The following CELF2 variants were observed in gnomAD, a reference collection of about 807,000 sequenced individuals.
The protein encoded by CELF2 is CUG triplet repeat RNA-binding protein 2.
In CELF2, 8 loss-of-function variants were observed where a neutral mutation model predicts 62.6. That is an observed-to-expected ratio of 0.13 (90% CI 0.07 to 0.23). The LOEUF (loss-of-function observed/expected upper bound fraction) is 0.23. Ranked by LOEUF, CELF2 falls within the 10% of genes least tolerant of loss-of-function variation. The probability of loss-of-function intolerance (pLI) is 1.00; values close to 1 mark genes in which losing one functional copy is unlikely to be tolerated. For synonymous variants in CELF2, 258 were observed against 250.0 expected, an observed-to-expected ratio of 1.03 and a Z score of -0.30; for missense variants, 333 against 671.0, an observed-to-expected ratio of 0.50 and a Z score of 5.56.
At chr10:10,636,327 C>T in the CELF2 span, among the ~76,000 whole-genome samples, 21 of 152,278 alleles carry the variant, frequency 1.4e-4, no homozygotes, top group East Asian at 9.6e-4. Context: ...ATAATTAACA[C>T]GAGTTTAACT....
intron 1 of CELF2, among the ~76,000 whole-genome samples, chr10:11,042,189 T>G (rs973997844): frequency 6.6e-6 from 1 of 152,238 alleles, no homozygotes; most frequent in African/African-American, 2.4e-5. Context: ...TTTATCTCCT[T>G]CCCTTTCAAA....
At chr10:10,508,660 ATGTGTGTGTGTG>A in the CELF2 span, among the ~76,000 whole-genome samples, 182 of 140,790 alleles carry the variant, frequency 1.3e-3, 1 homozygote, top group East Asian at 0.02. Context: ...TCTTAAACAG[ATGTGTGTGTGTG>A]TGTGTGTGTG....
In CELF2 at chr10:11,211,791, T is replaced by TGA. The variant is rs144030698; in HGVS notation, c.272-5612_272-5611dup. Among the ~76,000 whole-genome samples the TGA allele has an allele frequency of 7.8e-3, 1,058 of 135,612 alleles. 15 individuals carry two copies. Among genetic ancestry groups the TGA allele is most frequent in the African/African-American group, 0.029 (993 of 34,820 alleles). 89.0% of individuals were successfully genotyped at this position (135,612 alleles called of 152,430 possible). A position where few individuals can be genotyped will look rare whatever the true frequency, so the allele number is the denominator to read the frequency against. ...GAGTGAGAGTGTGTGTGTATGTGTG[T>TGA]GAGAGAGAGAGAGAGAGAGAGAGTG... is the stretch of plus-strand genomic sequence containing the variant. On this transcript the variant is annotated intron_variant, in intron 2 of 12. Coordinates refer to ENST00000633077, the MANE Select transcript of CELF2 (RefSeq NM_001326342.2). The surrounding 1 kb of genome is among the most constrained non-coding windows in gnomAD (Gnocchi z 4.8).
Position 11,165,826 on chromosome 10 carries a change from G to T in CELF2, c.271+144G>T. ...CGGTGCTGGCGGCCCCTGTGCTCCA[G>T]GGGCTGCTCCCGACTCCTCCCCGCA... On this transcript the variant is annotated intron_variant, in intron 2 of 12. Coordinates refer to ENST00000633077, the MANE Select transcript of CELF2 (RefSeq NM_001326342.2). This position sits in a 1 kb window ranked among gnomAD's most constrained non-coding sequence, Gnocchi z 7.4. 1.3e-6 allele frequency: 1 copy of T among 771,486 alleles called. No homozygotes were observed. The highest frequency in any genetic ancestry group is 2.0e-6 in the Non-Finnish European group (1 of 499,244). 47.8% of individuals were successfully genotyped at this position (771,486 alleles called of 1,614,324 possible).
intron 2 of CELF2, among the ~76,000 whole-genome samples, chr10:11,203,422 C>A (rs1483420137): frequency 6.6e-6 from 1 of 152,132 alleles, no homozygotes; most frequent in Non-Finnish European, 1.5e-5. Flanking sequence ...TTTTAGTATC[C>A]ATAATCAGGT....
At chr10:11,273,717 T>TTTC (rs2084792345) in intron 7 of CELF2, among the ~76,000 whole-genome samples, 1 of 144,630 alleles carries the variant, frequency 6.9e-6, no homozygotes, top group African/African-American at 2.7e-5. Context: ...AAAGTTTTGT[T>TTTC]TTTTTGTTTT....
intron 1 of CELF2, among the ~76,000 whole-genome samples, chr10:11,141,586 G>A (rs1028139713): frequency 6.6e-6 from 1 of 152,212 alleles, no homozygotes; most frequent in African/African-American, 2.4e-5. Flanking sequence ...GTGTGGTCTA[G>A]ACTAGACAAC....
chr10:11,120,984 A>G (rs1282325618), intron 1 of CELF2, among the ~76,000 whole-genome samples: 1 of 152,148 alleles, frequency 6.6e-6, no homozygotes, highest in Non-Finnish European at 1.5e-5. Flanking sequence ...AGAGCTTGCA[A>G]GGAGGTGTGT....
chr10:10,900,094 T>G (rs183268365), intron 1 of CELF2, among the ~76,000 whole-genome samples: 1 of 152,300 alleles, frequency 6.6e-6, no homozygotes. Flanking sequence ...ATTTTAAATT[T>G]TCTCACAAAG....
In CELF2 at chr10:11,217,849, A is replaced by G. The variant is rs2063740672; in HGVS notation, c.354+342A>G. On this transcript the variant is annotated intron_variant, in intron 3 of 12. Coordinates refer to ENST00000633077, the MANE Select transcript of CELF2 (RefSeq NM_001326342.2). The surrounding 1 kb of genome is among the most constrained non-coding windows in gnomAD (Gnocchi z 5.6). ...ACACAAGAGAAGCAAATGGAAAAGAAAAAGCTTTTATTCACCAGGAGCTCC... is the reference window on the plus strand; with the variant it reads ...ACACAAGAGAAGCAAATGGAAAAGAGAAAGCTTTTATTCACCAGGAGCTCC... Among the ~76,000 whole-genome samples the G allele has an allele frequency of 2.0e-5, 3 of 152,238 alleles. No individual in the cohort carries two copies. Among genetic ancestry groups the G allele is most frequent in the African/African-American group, 7.2e-5 (3 of 41,456 alleles).
intron 9 of CELF2, among the ~76,000 whole-genome samples, chr10:11,299,707 C>G (rs953947818): frequency 6.6e-6 from 1 of 152,280 alleles, no homozygotes; most frequent in South Asian, 2.1e-4. Flanking sequence ...ACAGCGCCAC[C>G]GCACCACGAG....
chr10:11,030,194 T>G (rs1474566958), intron 1 of CELF2: 1 of 152,244 alleles, frequency 6.6e-6, no homozygotes, highest in Non-Finnish European at 1.5e-5. Context: ...TCTGAACTAT[T>G]TTATGAGATT....
the CELF2 span, among the ~76,000 whole-genome samples, chr10:10,637,444 AT>A: frequency 6.6e-6 from 1 of 152,158 alleles, no homozygotes; most frequent in Non-Finnish European, 1.5e-5. Flanking sequence ...TCTTGCAGCC[AT>A]TGTATTTGAG....
chr10:10,771,752 A>G, the CELF2 span, among the ~76,000 whole-genome samples: 1 of 152,206 alleles, frequency 6.6e-6, no homozygotes, highest in Middle Eastern at 3.2e-3. Flanking sequence ...TCCCCAGCCA[A>G]GTGGAAACTA....
chr10:11,275,603 A>T (rs1171199134), intron 8 of CELF2, among the ~76,000 whole-genome samples: 1 of 152,228 alleles, frequency 6.6e-6, no homozygotes, highest in East Asian at 1.9e-4. Context: ...ATAACGACAG[A>T]CAATTAACAG....
chr10:10,669,598 A>T, the CELF2 span, among the ~76,000 whole-genome samples: 12 of 152,354 alleles, frequency 7.9e-5, no homozygotes, highest in African/African-American at 2.6e-4. Context: ...GGGAGCCAGG[A>T]CCCAAATGCA....
In CELF2 at chr10:11,321,101, CTG is replaced by C. The variant is rs1591510479; in HGVS notation, c.1097-84_1097-83del. The C allele has an allele frequency of 2.1e-6, 3 of 1,415,334 alleles. No individual in the cohort carries two copies. The highest frequency in any genetic ancestry group is 3.0e-6 in the Non-Finnish European group (3 of 1,004,430). The allele number at this position is 1,415,334 out of a possible 1,614,324, so 87.7% of individuals were successfully genotyped here. A position where few individuals can be genotyped will look rare whatever the true frequency, so the allele number is the denominator to read the frequency against. Reference sequence around the variant, plus strand: ...CTAGCTGCATGTACTTGCTGTTGTACTGTGTTTAAATGATTCTCTAACTTCCT... The same window carrying C: ...CTAGCTGCATGTACTTGCTGTTGTACTGTTTAAATGATTCTCTAACTTCCT... On this transcript the variant is annotated intron_variant, in intron 10 of 12. Coordinates refer to ENST00000633077, the MANE Select transcript of CELF2 (RefSeq NM_001326342.2). The surrounding 1 kb of genome is among the most constrained non-coding windows in gnomAD (Gnocchi z 6.2).
chr10:11,219,118 T>G (rs1173278742), intron 3 of CELF2, among the ~76,000 whole-genome samples: 1 of 152,246 alleles, frequency 6.6e-6, no homozygotes, highest in African/African-American at 2.4e-5. Flanking sequence ...TAGTGTAGTT[T>G]GATGCCAAGT....
intron 2 of CELF2, among the ~76,000 whole-genome samples, chr10:10,945,473 A>G (rs2135559887): frequency 6.6e-6 from 1 of 152,296 alleles, no homozygotes; most frequent in South Asian, 2.1e-4. Flanking sequence ...CTCTGCACCG[A>G]GGCCTGTTTG....
Sources: gnomAD v4.1 joint callset for allele counts (sites outside exome capture counted in the v4.1 genomes callset) on GRCh38, gnomAD v4.1.1 for gene constraint, Gnocchi (gnomAD v3.1) non-coding constraint, MANE v1.5 for transcripts, NCBI Gene and HGNC (gene_info 2026-07-23, HGNC 2026-07-21) for gene names.